The following RIMBP2 variants were observed in gnomAD, a reference collection of about 807,000 sequenced individuals.
The protein encoded by RIMBP2 is RIMS binding protein 2, also known as RIMS-binding protein 2.
In RIMBP2, 48 loss-of-function variants were observed where a neutral mutation model predicts 118.6. The ratio of observed to expected loss-of-function variants is 0.40; its 90% CI spans 0.32 to 0.51. RIMBP2 has a LOEUF of 0.51. RIMBP2 is among the 20% of genes least tolerant of loss of function. RIMBP2 has a pLI of 0.41. For synonymous variants in RIMBP2, 762 were observed against 742.9 expected (o/e 1.03, Z -0.42); for missense variants, 1,551 against 1,768.3 (o/e 0.88, Z 2.20).
In RIMBP2 at chr12:130,399,792, C is replaced by G. The variant is rs756297832; in HGVS notation, c.3787G>C (p.Gly1263Arg). ...TCCAAGAAGTTTGAGGGCACAAGGC[C>G]TTTCTGCCCATTCAGCTCCCCCTAA... is the stretch of plus-strand genomic sequence containing the variant. ...FYYGELNGQKGLVPSNFLEEV... is the reference protein window; with the variant it reads ...FYYGELNGQKRLVPSNFLEEV... The change falls in exon 22 of 23, where the codon GGC (glycine) becomes CGC (arginine). Residue 1263 changes from glycine to arginine, a missense_variant. Transcript: ENST00000690449. The G allele has an allele frequency of 6.2e-7, 1 of 1,614,046 alleles. No homozygotes were observed. The highest frequency in any genetic ancestry group is 8.5e-7 in the Non-Finnish European group (1 of 1,180,028).
chr12:130,707,772 G>C (rs751091882), intron 1 of RIMBP2, among the ~76,000 whole-genome samples: 1 of 152,122 alleles, frequency 6.6e-6, no homozygotes, highest in East Asian at 1.9e-4. Flanking sequence ...CAAGGGGACC[G>C]AGGCGGCCCG....
At chr12:130,649,801 C>G (rs1189906662) in intron 1 of RIMBP2, among the ~76,000 whole-genome samples, 2 of 152,052 alleles carry the variant, frequency 1.3e-5, no homozygotes, top group Non-Finnish European at 2.9e-5. Context: ...GAGGGGTGCC[C>G]TGCTACCCCA....
At chr12:130,489,496 G>A (rs964738993) in intron 4 of RIMBP2, among the ~76,000 whole-genome samples, 3 of 152,180 alleles carry the variant, frequency 2.0e-5, no homozygotes, top group South Asian at 2.1e-4. Context: ...CAGCATCGGC[G>A]GGAGGGAAGC....
At chr12:130,506,882 C>T (rs2050409995) in intron 3 of RIMBP2, 112 bp from the exon 4 acceptor site, 1 of 799,870 alleles carries the variant, frequency 1.3e-6, no homozygotes, top group Non-Finnish European at 1.5e-6. Flanking sequence ...GAGAATCCTT[C>T]CCTCCCTCCT....
chr12:130,470,317 T>C (rs1490110721), intron 6 of RIMBP2: 1 of 186,182 alleles, frequency 5.4e-6, no homozygotes, highest in East Asian at 1.3e-4. Context: ...CTCCGGAAGG[T>C]CCACCGGCCT....
chr12:130,615,245 C>CATAATTATAT (rs1555309075), intron 2 of RIMBP2, among the ~76,000 whole-genome samples: 1 of 129,710 alleles, frequency 7.7e-6, no homozygotes, highest in African/African-American at 2.9e-5. Flanking sequence ...TATATGTACA[C>CATAATTATAT]ATAATTATGT....
chr12:130,504,243 G>C (rs2050089267), intron 4 of RIMBP2, among the ~76,000 whole-genome samples: 1 of 152,160 alleles, frequency 6.6e-6, no homozygotes, highest in African/African-American at 2.4e-5. Flanking sequence ...CACCAGGCTG[G>C]CACTTCAGTG....
intron 4 of RIMBP2, among the ~76,000 whole-genome samples, chr12:130,481,209 G>GGTGGTGAGGGCGGGGGGC (rs2081984002): frequency 1.3e-5 from 2 of 152,106 alleles, no homozygotes; most frequent in Non-Finnish European, 2.9e-5. Context: ...GGAGGAGGCA[G>GGTGGTGAGGGCGGGGGGC]ACAGGCTGAT....
intron 7 of RIMBP2, among the ~76,000 whole-genome samples, chr12:130,452,630 G>A (rs973866352): frequency 4.5e-4 from 68 of 152,364 alleles, no homozygotes; most frequent in African/African-American, 1.5e-3. Context: ...ACCTGGGCCA[G>A]TGAACCTTGA....
At chr12:130,503,990 AAAATCAGGAGGGACTC>A (rs1405161283) in intron 4 of RIMBP2, among the ~76,000 whole-genome samples, 1 of 152,224 alleles carries the variant, frequency 6.6e-6, no homozygotes, top group African/African-American at 2.4e-5. Context: ...TTTAAGTAAG[AAAATCAGGAGGGACTC>A]AAATCAGGTT....
intron 2 of RIMBP2, among the ~76,000 whole-genome samples, chr12:130,608,976 C>T (rs1159053698): frequency 2.0e-5 from 3 of 152,160 alleles, no homozygotes; most frequent in Non-Finnish European, 4.4e-5. Context: ...CCATTCTCTA[C>T]TTCTACGAGA....
chr12:130,534,719 T>C (rs1374961033), intron 2 of RIMBP2, among the ~76,000 whole-genome samples: 1 of 152,184 alleles, frequency 6.6e-6, no homozygotes, highest in Non-Finnish European at 1.5e-5. Flanking sequence ...AAAAGCCACA[T>C]GGTGGTGATT....
At chr12:130,518,607 G>A (rs1371696336) in intron 2 of RIMBP2, among the ~76,000 whole-genome samples, 2 of 152,148 alleles carry the variant, frequency 1.3e-5, no homozygotes, top group Non-Finnish European at 2.9e-5. Flanking sequence ...AGAGGCAAGA[G>A]GGAGAAAACT....
intron 3 of RIMBP2, among the ~76,000 whole-genome samples, chr12:130,515,321 T>G (rs1435019078): frequency 6.6e-6 from 1 of 152,168 alleles, no homozygotes; most frequent in Non-Finnish European, 1.5e-5. Context: ...TCTCTAGAAC[T>G]CTCTTCCTCT....
At chr12:130,606,976 C>T (rs1018477859) in intron 2 of RIMBP2, among the ~76,000 whole-genome samples, 43 of 152,158 alleles carry the variant, frequency 2.8e-4, no homozygotes, top group African/African-American at 1.0e-3. Flanking sequence ...GGATTATAGG[C>T]GCTTGCCACC....
rs531428001 is a variant in RIMBP2 at position 130,514,134 on chromosome 12, C to T, written c.-127+3694G>A. Among the ~76,000 whole-genome samples, 30 of 152,336 alleles carry T rather than the reference C, an allele frequency of 2.0e-4. No individual in the cohort carries two copies. In the East Asian group the frequency reaches 2.3e-3, roughly 12 times the overall value. The stretch of plus-strand genomic sequence containing the variant: ...GGCACTTGGAAGGAAAGCCAAGCTC[C>T]GCAAAGCAGGCTGCAGGACAGATCT... On this transcript the variant is annotated intron_variant, in intron 3 of 22. Transcript: ENST00000690449.
intron 4 of RIMBP2, among the ~76,000 whole-genome samples, chr12:130,499,795 C>T (rs1004422111): frequency 5.9e-5 from 9 of 152,192 alleles, no homozygotes; most frequent in Non-Finnish European, 1.3e-4. Flanking sequence ...CCCCACCTGA[C>T]CTGCACATTA....
At chr12:130,493,708 A>C (rs2048864051) in intron 4 of RIMBP2, among the ~76,000 whole-genome samples, 1 of 152,214 alleles carries the variant, frequency 6.6e-6, no homozygotes. Flanking sequence ...ATACATATTT[A>C]AATTTAAACA....
At chr12:130,588,155 C>G (rs958203730) in intron 2 of RIMBP2, among the ~76,000 whole-genome samples, 1 of 152,238 alleles carries the variant, frequency 6.6e-6, no homozygotes, top group East Asian at 1.9e-4. Context: ...TCTTCAAAAC[C>G]CAGCCCAAGT....
Sources: allele counts gnomAD v4.1 joint callset (sites outside exome capture counted in the v4.1 genomes callset), GRCh38; gene constraint gnomAD v4.1.1; transcripts MANE v1.5; gene names NCBI Gene and HGNC (gene_info 2026-07-23, HGNC 2026-07-21).